The following SCHIP1 variants were observed in gnomAD, a reference collection of about 807,000 sequenced individuals.
SCHIP1 encodes the protein schwannomin interacting protein 1, also known as schwannomin-interacting protein 1.
Under a neutral mutation model 29.7 loss-of-function variants are expected in SCHIP1, and 8 were observed. The observed-to-expected ratio is 0.27, with a 90% confidence interval of 0.16 to 0.49. The LOEUF (loss-of-function observed/expected upper bound fraction) is 0.49. SCHIP1 is among the 20% of genes least tolerant of loss of function. The pLI is 0.99. For synonymous variants in SCHIP1, 76 were observed against 94.9 expected (o/e 0.80, Z 1.16); for missense variants, 193 against 294.6 (o/e 0.66, Z 2.52).
the SCHIP1 span, among the ~76,000 whole-genome samples, chr3:159,625,090 C>T: frequency 6.6e-6 from 1 of 152,178 alleles, no homozygotes; most frequent in African/African-American, 2.4e-5. Flanking sequence ...CTTAAGACAA[C>T]TCAATCACCT....
chr3:159,277,436 G>A, the SCHIP1 span, among the ~76,000 whole-genome samples: 1 of 151,930 alleles, frequency 6.6e-6, no homozygotes, highest in Non-Finnish European at 1.5e-5. Context: ...ATTGTATCTG[G>A]ACTTTAGTAT....
the SCHIP1 span, among the ~76,000 whole-genome samples, chr3:159,801,052 G>A: frequency 1.3e-5 from 2 of 150,826 alleles, no homozygotes; most frequent in East Asian, 2.0e-4. Flanking sequence ...TTGTAAAAAC[G>A]TCCACTGCTG....
At chr3:159,714,048 C>T in the SCHIP1 span, among the ~76,000 whole-genome samples, 2 of 152,060 alleles carry the variant, frequency 1.3e-5, no homozygotes, top group African/African-American at 4.8e-5. Flanking sequence ...GCCAGCATGG[C>T]CAACATAGCA....
the SCHIP1 span, among the ~76,000 whole-genome samples, chr3:159,778,732 A>G: frequency 6.6e-6 from 1 of 152,186 alleles, no homozygotes; most frequent in Non-Finnish European, 1.5e-5. Flanking sequence ...TTTGAAGACA[A>G]GTCTCTAGCC....
the SCHIP1 span, among the ~76,000 whole-genome samples, chr3:159,538,042 T>G: frequency 6.6e-6 from 1 of 152,158 alleles, no homozygotes; most frequent in Non-Finnish European, 1.5e-5. Context: ...AGATTAGCCA[T>G]GTTGCCAGAG....
chr3:159,275,358 CTG>C, the SCHIP1 span, among the ~76,000 whole-genome samples: 165 of 152,242 alleles, frequency 1.1e-3, no homozygotes, highest in African/African-American at 3.9e-3. Flanking sequence ...TTATGGCAAA[CTG>C]TATCCATTTG....
the SCHIP1 span, among the ~76,000 whole-genome samples, chr3:159,344,358 C>CTAATACCATTCCCCAGTAAAGGAGA: frequency 1.0e-3 from 155 of 151,356 alleles, 2 homozygotes; most frequent in South Asian, 0.024. Flanking sequence ...ATCTTGGTTT[C>CTAATACCATTCCCCAGTAAAGGAGA]TAATACCATT....
chr3:159,312,786 G>T, the SCHIP1 span, among the ~76,000 whole-genome samples: 1 of 152,114 alleles, frequency 6.6e-6, no homozygotes, highest in Non-Finnish European at 1.5e-5. Flanking sequence ...GCTGACCTAT[G>T]AATTAAAAAG....
chr3:159,508,792 T>G, the SCHIP1 span, among the ~76,000 whole-genome samples: 1 of 152,234 alleles, frequency 6.6e-6, no homozygotes, highest in Non-Finnish European at 1.5e-5. Flanking sequence ...GTGAGTTTCT[T>G]AATCCTGAGT....
In SCHIP1 at chr3:159,842,997, C is replaced by CTTTTTTTTTTTTTTTT. The variant is rs1440922016; in HGVS notation, c.30+2786_30+2787insTTTTTTTTTTTTTTTT. Among the ~76,000 whole-genome samples, 323 of 61,624 alleles carry CTTTTTTTTTTTTTTTT rather than the reference C, an allele frequency of 5.2e-3. 69 individuals carry two copies. The highest frequency in any genetic ancestry group is 0.012 in the South Asian group (15 of 1,288). 40.4% of individuals were successfully genotyped at this position (61,624 alleles called of 152,430 possible). On this transcript the variant is annotated intron_variant, in intron 1 of 6. Coordinates refer to ENST00000445224, the Ensembl canonical transcript of SCHIP1. ...GCTCTCCAGTTCTATCCCAATATTT[C>CTTTTTTTTTTTTTTTT]TTTCTTTTTTTTTTTTTTTTTTTTT...
the SCHIP1 span, among the ~76,000 whole-genome samples, chr3:159,719,621 G>A: frequency 6.6e-6 from 1 of 152,138 alleles, no homozygotes; most frequent in African/African-American, 2.4e-5. Context: ...GCAGCCAACA[G>A]ACACATGAAA....
the SCHIP1 span, among the ~76,000 whole-genome samples, chr3:159,832,282 A>G: frequency 6.6e-6 from 1 of 152,024 alleles, no homozygotes; most frequent in Non-Finnish European, 1.5e-5. Flanking sequence ...TTTACTCACC[A>G]TATCTTCAGT....
At chr3:159,339,150 CCATCAAAGAATTACTA>C in the SCHIP1 span, among the ~76,000 whole-genome samples, 3 of 151,834 alleles carry the variant, frequency 2.0e-5, no homozygotes, top group Non-Finnish European at 1.5e-5. Context: ...CATGGCTATT[CCATCAAAGAATTACTA>C]TATTATGAGC....
the SCHIP1 span, among the ~76,000 whole-genome samples, chr3:159,670,882 T>C: frequency 2.0e-5 from 3 of 150,312 alleles, no homozygotes; most frequent in Admixed American, 6.6e-5. Context: ...GGTGGGTGGG[T>C]GTGTGGGTGT....
chr3:159,634,668 A>C, the SCHIP1 span, among the ~76,000 whole-genome samples: 19 of 152,250 alleles, frequency 1.2e-4, no homozygotes, highest in East Asian at 3.3e-3. Context: ...GGCTGATGGG[A>C]ATTGCAGGTT....
At chr3:159,379,896 T>C in the SCHIP1 span, among the ~76,000 whole-genome samples, 1 of 152,176 alleles carries the variant, frequency 6.6e-6, no homozygotes, top group African/African-American at 2.4e-5. Context: ...GTACTATGCA[T>C]GAAAGAAATC....
the SCHIP1 span, among the ~76,000 whole-genome samples, chr3:159,703,939 C>T: frequency 6.6e-6 from 1 of 152,168 alleles, no homozygotes; most frequent in Non-Finnish European, 1.5e-5. Context: ...GGCTCACATC[C>T]TCTGAGAAGT....
At chr3:159,315,175 A>G in the SCHIP1 span, among the ~76,000 whole-genome samples, 1 of 148,826 alleles carries the variant, frequency 6.7e-6, no homozygotes. Flanking sequence ...ACTTGGTACT[A>G]TCAGTCTTTT....
chr3:159,325,760 A>G, the SCHIP1 span, among the ~76,000 whole-genome samples: 9 of 152,098 alleles, frequency 5.9e-5, no homozygotes, highest in Non-Finnish European at 1.2e-4. Context: ...CTACTCAAGA[A>G]ACAAAGCACA....
Sources: gnomAD v4.1 joint callset for allele counts (sites outside exome capture counted in the v4.1 genomes callset) on GRCh38, gnomAD v4.1.1 for gene constraint, MANE v1.5 for transcripts, NCBI Gene and HGNC (gene_info 2026-07-23, HGNC 2026-07-21) for gene names.